Variants in ZDHHC11B observed in about 807,000 individuals in gnomAD.
ZDHHC11B encodes the protein probable palmitoyltransferase ZDHHC11B.
A neutral mutation model predicts 42.3 loss-of-function variants in ZDHHC11B; 17 were observed. That is an observed-to-expected ratio of 0.40 (90% CI 0.27 to 0.60). The LOEUF (loss-of-function observed/expected upper bound fraction) is 0.60. ZDHHC11B is among the 20% of genes least tolerant of loss of function. The pLI is 0.41. For synonymous variants in ZDHHC11B, 123 were observed against 193.5 expected (o/e 0.64, Z 3.02); for missense variants, 262 against 463.2 (o/e 0.57, Z 3.99).
At chr5:729,427 T>C (rs1195077287) in intron 12 of ZDHHC11B, among the ~76,000 whole-genome samples, 16 of 150,548 alleles carry the variant, frequency 1.1e-4, no homozygotes, top group Non-Finnish European at 1.3e-4. Context: ...GGGCTTCCCC[T>C]GTGGGGCCGG....
At chr5:753,116 C>T (rs1415329616) in intron 6 of ZDHHC11B, among the ~76,000 whole-genome samples, 1 of 129,786 alleles carries the variant, frequency 7.7e-6, no homozygotes, top group Non-Finnish European at 1.7e-5. Context: ...CCAGCGCCGC[C>T]TGCCTTCTTT....
At chr5:754,344 T>C (rs200767705) in intron 6 of ZDHHC11B, among the ~76,000 whole-genome samples, 635 of 8,418 alleles carry the variant, frequency 0.075, 119 homozygotes, top group African/African-American at 0.11. Flanking sequence ...AGACCTCTCA[T>C]CTGTGAGCCT....
intron 6 of ZDHHC11B, among the ~76,000 whole-genome samples, chr5:751,730 T>C (rs1745792411): frequency 7.8e-6 from 1 of 127,852 alleles, no homozygotes; most frequent in African/African-American, 2.5e-5. Context: ...CTCCTGTCTC[T>C]GTGCCATCCT....
intron 1 of ZDHHC11B, among the ~76,000 whole-genome samples, chr5:778,119 C>A (rs1435393620): frequency 6.6e-6 from 1 of 151,900 alleles, no homozygotes; most frequent in Non-Finnish European, 1.5e-5. Flanking sequence ...GAGACTGATA[C>A]GGGTCTGAGA....
intron 4 of ZDHHC11B, among the ~76,000 whole-genome samples, chr5:760,320 G>A (rs1236643777): frequency 3.3e-5 from 5 of 151,702 alleles, no homozygotes; most frequent in East Asian, 1.9e-4. Flanking sequence ...AGGTCTTTTC[G>A]GGTAGGCCCT....
chr5:718,137 G>A (rs1741896025), intron 12 of ZDHHC11B, among the ~76,000 whole-genome samples: 1 of 151,858 alleles, frequency 6.6e-6, no homozygotes, highest in Non-Finnish European at 1.5e-5. Context: ...TAGGTGAAAT[G>A]GTGGAGGATT....
chr5:737,642 T>C (rs1412480235), intron 10 of ZDHHC11B, among the ~76,000 whole-genome samples: 1 of 149,486 alleles, frequency 6.7e-6, no homozygotes, highest in Non-Finnish European at 1.5e-5. Context: ...GCAGGAATGG[T>C]TTAATATATG....
intron 12 of ZDHHC11B, among the ~76,000 whole-genome samples, chr5:725,238 C>A (rs1164886519): frequency 7.0e-6 from 1 of 142,778 alleles, no homozygotes; most frequent in Non-Finnish European, 1.5e-5. Context: ...CATCAGACAC[C>A]GGATCTGCCG....
At chr5:765,713 G>A (rs1310196138) in intron 4 of ZDHHC11B, among the ~76,000 whole-genome samples, 1 of 151,930 alleles carries the variant, frequency 6.6e-6, no homozygotes, top group African/African-American at 2.4e-5. Flanking sequence ...AACACTCGCA[G>A]TGAAGGTCTG....
intron 1 of ZDHHC11B, among the ~76,000 whole-genome samples, chr5:783,904 G>A (rs1297347589): frequency 6.8e-6 from 1 of 146,656 alleles, no homozygotes; most frequent in African/African-American, 2.5e-5. Context: ...TATCAAAACA[G>A]CAGCCCCGCC....
At chr5:757,302 T>A (rs1303467687) in intron 4 of ZDHHC11B, among the ~76,000 whole-genome samples, 1 of 151,892 alleles carries the variant, frequency 6.6e-6, no homozygotes, top group African/African-American at 2.4e-5. Context: ...GCTGTCCTCC[T>A]TGGCCCCAGG....
chr5:748,692 C>T, intron 7 of ZDHHC11B, 133 bp from the exon 8 acceptor site: 1 of 1,070,080 alleles, frequency 9.3e-7, no homozygotes, highest in Non-Finnish European at 1.3e-6. Flanking sequence ...CCTCCCTGCC[C>T]TGGTGGACAC....
intron 12 of ZDHHC11B, among the ~76,000 whole-genome samples, chr5:720,628 T>A (rs1195835710): frequency 6.6e-6 from 1 of 151,874 alleles, no homozygotes; most frequent in South Asian, 2.1e-4. Context: ...CAGGTAAATA[T>A]ACAAGTCAAT....
intron 8 of ZDHHC11B, 87 bp from the exon 9 acceptor site, chr5:745,385 T>TG (rs1313776107): frequency 8.0e-7 from 1 of 1,245,142 alleles, no homozygotes; most frequent in African/African-American, 1.4e-5. Flanking sequence ...GGGTGGCCAG[T>TG]GCCACTGATC....
chr5:721,523 G>A (rs1338525030), intron 12 of ZDHHC11B, among the ~76,000 whole-genome samples: 3 of 151,280 alleles, frequency 2.0e-5, no homozygotes, highest in Admixed American at 6.6e-5. Context: ...CCCGGGCCCC[G>A]AGATATGGAG....
At chr5:748,087 C>G (rs1270788560) in intron 8 of ZDHHC11B, 2 of 507,506 alleles carry the variant, frequency 3.9e-6, no homozygotes, top group Non-Finnish European at 6.8e-6. Flanking sequence ...AGATTCCATT[C>G]CATTTTCTCT....
rs588032 is a variant in ZDHHC11B, at chr5:749,695, G to A, written c.629-1136C>T. 5.6e-5 allele frequency among the ~76,000 whole-genome samples: 7 copies of A among 125,204 alleles called. 2 individuals are homozygous for A. In the East Asian group the frequency reaches 9.8e-4, roughly 17 times the overall value. 82.1% of individuals were successfully genotyped at this position (125,204 alleles called of 152,430 possible). ...CTCACACAAAGACACTGGCACTGCCGTGTGGAAGCAGCATGTTCCAGGAGA... is the reference window on the plus strand; with the variant it reads ...CTCACACAAAGACACTGGCACTGCCATGTGGAAGCAGCATGTTCCAGGAGA... On this transcript the variant is annotated intron_variant, in intron 7 of 13. Transcript: ENST00000508859.
chr5:748,133 G>C (rs145853534), intron 8 of ZDHHC11B: 8,052 of 549,262 alleles, frequency 0.015, 1,853 homozygotes, highest in Non-Finnish European at 0.013. Flanking sequence ...GCACCCGGCA[G>C]CGCTCCTGCA....
chr5:760,033 G>A (rs1277917174), intron 4 of ZDHHC11B, among the ~76,000 whole-genome samples: 6 of 151,806 alleles, frequency 4.0e-5, no homozygotes, highest in African/African-American at 9.7e-5. Flanking sequence ...GGCACCAAGT[G>A]CTCCTTTAGA....
Sources: gnomAD v4.1 joint callset for allele counts (sites outside exome capture counted in the v4.1 genomes callset) on GRCh38, gnomAD v4.1.1 for gene constraint, MANE v1.5 for transcripts, NCBI Gene and HGNC (gene_info 2026-07-23, HGNC 2026-07-21) for gene names.